The following TMEM132D variants were observed in gnomAD, a reference collection of about 807,000 sequenced individuals.
TMEM132D encodes transmembrane protein 132D.
TMEM132D carries 21 observed loss-of-function variants against 62.3 expected under a neutral mutation model. That is an observed-to-expected ratio of 0.34 (90% CI 0.24 to 0.49). The LOEUF (loss-of-function observed/expected upper bound fraction) is 0.49. Among genes scored for constraint, TMEM132D ranks in the 20% least tolerant of loss-of-function variants. The probability of loss-of-function intolerance (pLI) is 0.99; values close to 1 mark genes in which losing one functional copy is unlikely to be tolerated. For missense variants in TMEM132D, 1,346 were observed against 1,402.8 expected (o/e 0.96, Z 0.65); for synonymous variants, 621 against 575.6 (o/e 1.08, Z -1.13).
chr12:129,776,387 G>C (rs1290221532), intron 1 of TMEM132D, among the ~76,000 whole-genome samples: 1 of 152,118 alleles, frequency 6.6e-6, no homozygotes, highest in African/African-American at 2.4e-5. Flanking sequence ...TTTTTTGGAA[G>C]TTAAAACAGA....
chr12:129,540,538 T>G (rs1425591655), intron 2 of TMEM132D, among the ~76,000 whole-genome samples: 1 of 151,626 alleles, frequency 6.6e-6, no homozygotes, highest in African/African-American at 2.4e-5. Context: ...CAGGCTGGAG[T>G]GCACTGGTGT....
chr12:129,463,870 A>G, intron 3 of TMEM132D, among the ~76,000 whole-genome samples: 3 of 150,984 alleles, frequency 2.0e-5, no homozygotes, highest in Non-Finnish European at 4.4e-5. Flanking sequence ...AATCCAGTCT[A>G]TCATTGTTGG....
intron 1 of TMEM132D, among the ~76,000 whole-genome samples, chr12:129,714,020 G>C (rs74346160): frequency 6.6e-6 from 1 of 152,180 alleles, no homozygotes; most frequent in Non-Finnish European, 1.5e-5. Flanking sequence ...CAAAGTCCAC[G>C]GGAGGAAGCA....
rs369658274 is a variant in TMEM132D, at chr12:129,795,833, CTT to C, written c.80-95137_80-95136del. On this transcript the variant is annotated intron_variant, in intron 1 of 8. Transcript: ENST00000422113. ...TAATGTGTTATATTATCCCACCTGA[CTT>C]ATTATTTTATTGGAGGCTTTATGGA... is the stretch of plus-strand genomic sequence containing the variant. Among the ~76,000 whole-genome samples the C allele has an allele frequency of 5.2e-3, 795 of 152,210 alleles. 3 individuals are homozygous for C. The highest frequency in any genetic ancestry group is 0.018 in the African/African-American group (739 of 41,516).
intron 1 of TMEM132D, among the ~76,000 whole-genome samples, chr12:129,866,311 G>A (rs1379663802): frequency 6.6e-6 from 1 of 152,096 alleles, no homozygotes; most frequent in Non-Finnish European, 1.5e-5. Flanking sequence ...GATGAAGCAG[G>A]AAACCATCAC....
At position 129,087,995 on chromosome 12, in the gene TMEM132D, CG is replaced by C. The variant is rs1400545679; in HGVS notation, c.1444-3294del. 6.6e-4 allele frequency among the ~76,000 whole-genome samples: 47 copies of C among 71,354 alleles called. 5 individuals carry two copies. The highest frequency in any genetic ancestry group is 1.1e-3 in the Non-Finnish European group (34 of 31,380). The allele number at this position is 71,354 out of a possible 152,430, so 46.8% of individuals were successfully genotyped here. On this transcript the variant is annotated intron_variant, in intron 5 of 8. Transcript: ENST00000422113. ...TCCATGACCGGGTGTCCTCCATGAC[CG>C]GGGTGTCCTCCATGACCGGGTGTCC...
At chr12:129,812,266 G>A (rs996154395) in intron 1 of TMEM132D, among the ~76,000 whole-genome samples, 1 of 151,416 alleles carries the variant, frequency 6.6e-6, no homozygotes, top group Non-Finnish European at 1.5e-5. Flanking sequence ...ACCTCTCTCT[G>A]TGTGTCTCTG....
At position 129,770,911 on chromosome 12, in the gene TMEM132D, C is replaced by T. The variant is rs1870727840; in HGVS notation, c.80-70213G>A. ...ACAGTAAAAGAAACTTTAAGTCAAA[C>T]CATCGTAAGCCGAGGACTGTCTGTA... On this transcript the variant is annotated intron_variant, in intron 1 of 8. Coordinates refer to ENST00000422113, the MANE Select transcript of TMEM132D (RefSeq NM_133448.3). Among the ~76,000 whole-genome samples the T allele has an allele frequency of 2.6e-5, 4 of 152,318 alleles. 1 individual carries two copies. The South Asian group carries it at 8.3e-4, about 32-fold the overall frequency.
At chr12:129,901,656 T>C (rs1468776086) in intron 1 of TMEM132D, among the ~76,000 whole-genome samples, 3 of 152,196 alleles carry the variant, frequency 2.0e-5, no homozygotes, top group African/African-American at 4.8e-5. Flanking sequence ...GTTGAAAAAG[T>C]TCACAAGTAT....
At chr12:129,572,691 T>C (rs527722624) in intron 2 of TMEM132D, among the ~76,000 whole-genome samples, 50 of 151,978 alleles carry the variant, frequency 3.3e-4, no homozygotes, top group Non-Finnish European at 6.6e-4. Context: ...TCAGATGATC[T>C]GCCCGCCTCG....
At chr12:129,651,132 T>C (rs1879917371) in intron 2 of TMEM132D, among the ~76,000 whole-genome samples, 1 of 152,236 alleles carries the variant, frequency 6.6e-6, no homozygotes, top group South Asian at 2.1e-4. Flanking sequence ...TTTGTTATCA[T>C]GTCTGTGTGT....
chr12:129,195,734 G>GT (rs575320501), intron 5 of TMEM132D, among the ~76,000 whole-genome samples: 1 of 152,112 alleles, frequency 6.6e-6, no homozygotes. Flanking sequence ...AACCACATGT[G>GT]TTTTTTTGTG....
intron 1 of TMEM132D, among the ~76,000 whole-genome samples, chr12:129,877,385 C>CCTGATCAACAGCTGACT (rs1165079812): frequency 2.0e-5 from 3 of 151,974 alleles, no homozygotes; most frequent in Admixed American, 6.6e-5. Context: ...CAAGAATCCA[C>CCTGATCAACAGCTGACT]CTGATCAACA....
At chr12:129,169,416 T>A (rs1007714018) in intron 5 of TMEM132D, among the ~76,000 whole-genome samples, 1 of 152,128 alleles carries the variant, frequency 6.6e-6, no homozygotes, top group Admixed American at 6.5e-5. Context: ...GAGGACTGAG[T>A]CAAAGGAATT....
chr12:129,074,377 A>T lies in TMEM132D; in HGVS notation c.2798T>A (p.Val933Asp). 6.2e-7 allele frequency: 1 copy of T among 1,614,042 alleles called. No individual in the cohort carries two copies. The highest frequency in any genetic ancestry group is 8.5e-7 in the Non-Finnish European group (1 of 1,180,034). Residue 933 changes from valine (V) to aspartate (D), a missense_variant, in exon 9 of 9, where the codon GTC becomes GAC. Coordinates refer to ENST00000422113, the MANE Select transcript of TMEM132D (RefSeq NM_133448.3). ...LLGVFCLAIL[V>D]FLINCVTFAL... Reference sequence around the variant, plus strand: ...AAAGGTCACACAGTTTATCAAGAAGACCAAAATGGCCAAACAGAAGACTCC... The same window carrying T: ...AAAGGTCACACAGTTTATCAAGAAGTCCAAAATGGCCAAACAGAAGACTCC...
chr12:129,224,280 C>T (rs1032997061), intron 4 of TMEM132D, among the ~76,000 whole-genome samples: 12 of 152,104 alleles, frequency 7.9e-5, no homozygotes, highest in Admixed American at 5.9e-4. Context: ...GCCATTTTCC[C>T]GGGGATCCTC....
intron 2 of TMEM132D, among the ~76,000 whole-genome samples, chr12:129,578,928 GAC>G (rs1263334200): frequency 6.6e-6 from 1 of 152,146 alleles, no homozygotes; most frequent in Non-Finnish European, 1.5e-5. Context: ...AACCCACACA[GAC>G]ACACCTAGAA....
At chr12:129,314,544 AG>A (rs1264938594) in intron 4 of TMEM132D, among the ~76,000 whole-genome samples, 3 of 152,090 alleles carry the variant, frequency 2.0e-5, no homozygotes, top group African/African-American at 7.2e-5. Flanking sequence ...GAAATCAGGT[AG>A]GGTAGTGTGA....
chr12:129,276,155 A>T (rs1350671775), intron 4 of TMEM132D, among the ~76,000 whole-genome samples: 1 of 152,188 alleles, frequency 6.6e-6, no homozygotes, highest in Non-Finnish European at 1.5e-5. Context: ...TAACCCCTAA[A>T]GGAAATTGCC....
Sources: allele counts gnomAD v4.1 joint callset (sites outside exome capture counted in the v4.1 genomes callset), GRCh38; gene constraint gnomAD v4.1.1; transcripts MANE v1.5; gene names NCBI Gene and HGNC (gene_info 2026-07-23, HGNC 2026-07-21).